The following MYO16 variants were observed in gnomAD, a reference collection of about 807,000 sequenced individuals.
MYO16 encodes the protein myosin XVI.
A neutral mutation model predicts 205.3 loss-of-function variants in MYO16; 94 were observed. That is an observed-to-expected ratio of 0.46 (90% CI 0.39 to 0.54). The LOEUF (loss-of-function observed/expected upper bound fraction) is 0.54. Ranked by LOEUF, MYO16 falls within the 20% of genes least tolerant of loss-of-function variation. MYO16 has a pLI of 0.00. For missense variants in MYO16, 2,315 were observed against 2,387.5 expected (o/e 0.97, Z 0.63); for synonymous variants, 988 against 954.0 (o/e 1.04, Z -0.66).
At chr13:108,847,155 G>T (rs1269144931) in intron 10 of MYO16, among the ~76,000 whole-genome samples, 2 of 152,154 alleles carry the variant, frequency 1.3e-5, no homozygotes, top group Non-Finnish European at 2.9e-5. Context: ...AAGACATAAA[G>T]TGTTCTTCAA....
chr13:108,838,734 T>C (rs1479791402), intron 9 of MYO16, among the ~76,000 whole-genome samples: 1 of 125,722 alleles, frequency 8.0e-6, no homozygotes, highest in African/African-American at 3.1e-5. Flanking sequence ...GCACACTATA[T>C]ATATACACTA....
chr13:109,140,573 AC>A lies in MYO16; in HGVS notation c.4362del (p.Tyr1454Ter). The A allele has an allele frequency of 6.5e-7, 1 of 1,535,320 alleles. No homozygotes were observed. The highest frequency in any genetic ancestry group is 1.2e-5 in the South Asian group (1 of 83,994). The part of the protein sequence containing the change: ...PDSPDPGESV[Y>X]EEMKCCLPDD... The stretch of plus-strand genomic sequence containing the variant: ...AGCCCGGACCCCGGGGAGTCCGTGT[AC>A]GAGGAGATGAAGTGTTGCCTGCCCG... On this transcript the variant is annotated frameshift_variant, in exon 32 of 35. Coordinates refer to ENST00000457511, the MANE Select transcript of MYO16 (RefSeq NM_001198950.3). LOFTEE classifies it high-confidence loss of function. This position sits in a 1 kb window ranked among gnomAD's most constrained non-coding sequence, Gnocchi z 8.0.
At chr13:108,676,309 A>G (rs1566544048) in intron 2 of MYO16, among the ~76,000 whole-genome samples, 1 of 151,726 alleles carries the variant, frequency 6.6e-6, no homozygotes, top group East Asian at 1.9e-4. Context: ...AATTTACATT[A>G]TTAAGGAGCG....
At chr13:108,595,192 T>G (rs1170255782), upstream of MYO16, among the ~76,000 whole-genome samples, 5 of 152,200 alleles carry the variant, frequency 3.3e-5, no homozygotes, top group Non-Finnish European at 7.3e-5. Flanking sequence ...TAGATACATA[T>G]GGATTTCTTT....
At chr13:108,638,593 AAT>A (rs1880362463) in intron 1 of MYO16, among the ~76,000 whole-genome samples, 1 of 152,044 alleles carries the variant, frequency 6.6e-6, no homozygotes, top group Non-Finnish European at 1.5e-5. Flanking sequence ...CTTTTCTGAA[AAT>A]AATTGTCCTT....
intron 28 of MYO16, among the ~76,000 whole-genome samples, chr13:109,107,419 T>C (rs183107708): frequency 1.3e-5 from 2 of 152,322 alleles, no homozygotes; most frequent in East Asian, 1.9e-4. Flanking sequence ...CATTTTACCA[T>C]AACATTACAT....
In MYO16 at chr13:109,127,719, C is replaced by T; in HGVS notation, c.4051+169C>T. ...TCATTAAATATAAATAATATTTATTCAAATCTCTAAGCCTCTTAGGGAAAA... is the reference window on the plus strand; with the variant it reads ...TCATTAAATATAAATAATATTTATTTAAATCTCTAAGCCTCTTAGGGAAAA... On this transcript the variant is annotated intron_variant, in intron 31 of 34. Coordinates refer to ENST00000457511, the MANE Select transcript of MYO16 (RefSeq NM_001198950.3). This position sits in a 1 kb window ranked among gnomAD's most constrained non-coding sequence, Gnocchi z 4.2. 1 of 691,102 alleles carries T rather than the reference C, an allele frequency of 1.4e-6. No individual in the cohort carries two copies. Among genetic ancestry groups the T allele is most frequent in the Non-Finnish European group, 2.3e-6 (1 of 435,174 alleles). The allele number at this position is 691,102 out of a possible 1,614,324, so 42.8% of individuals were successfully genotyped here. A position where few individuals can be genotyped will look rare whatever the true frequency, so the allele number is the denominator to read the frequency against.
chr13:108,771,901 A>C (rs559005083), intron 4 of MYO16, among the ~76,000 whole-genome samples: 50 of 152,322 alleles, frequency 3.3e-4, no homozygotes, highest in African/African-American at 1.2e-3. Context: ...TAGCTACTAA[A>C]GGATATCTTG....
intron 21 of MYO16, among the ~76,000 whole-genome samples, chr13:109,007,214 C>A (rs559575061): frequency 1.3e-5 from 2 of 152,124 alleles, no homozygotes; most frequent in East Asian, 3.9e-4. Flanking sequence ...TGGTGAAACC[C>A]CATCTCTACT....
At chr13:108,688,547 G>A (rs975860951) in intron 2 of MYO16, among the ~76,000 whole-genome samples, 1 of 152,104 alleles carries the variant, frequency 6.6e-6, no homozygotes, top group Admixed American at 6.6e-5. Flanking sequence ...GGAACTGCAG[G>A]TTGAGCTAGA....
intron 27 of MYO16, among the ~76,000 whole-genome samples, chr13:109,099,154 T>A (rs1314526137): frequency 6.6e-6 from 1 of 152,196 alleles, no homozygotes; most frequent in Admixed American, 6.5e-5. Flanking sequence ...CACTGCACTG[T>A]ATGTTCATTA....
chr13:109,124,499 A>C (rs2139769015), intron 29 of MYO16, among the ~76,000 whole-genome samples: 1 of 152,084 alleles, frequency 6.6e-6, no homozygotes, highest in East Asian at 1.9e-4. Context: ...TTTTATTTTT[A>C]ATTCTTGTAT....
intron 4 of MYO16, among the ~76,000 whole-genome samples, chr13:108,749,417 A>G (rs1885160418): frequency 6.6e-6 from 1 of 152,200 alleles, no homozygotes; most frequent in Non-Finnish European, 1.5e-5. Flanking sequence ...GTAAACCTCA[A>G]CAATAAGAAA....
intron 6 of MYO16, among the ~76,000 whole-genome samples, chr13:108,793,899 G>A (rs376067582): frequency 9.9e-5 from 15 of 152,176 alleles, no homozygotes; most frequent in Middle Eastern, 6.8e-3. Context: ...TCCCAGTGCC[G>A]TTTATAATAG....
rs560320379 is a variant in MYO16, at chr13:109,177,364, G to A, written c.5324-2178G>A. ...TGTATTTCTCAGCGCCTTATGCAGC[G>A]GTTGCTCATAAATGTTTTTAACCTT... On this transcript the variant is annotated intron_variant, in intron 33 of 34. Transcript: ENST00000457511. Among the ~76,000 whole-genome samples, 7 of 152,204 alleles carry A rather than the reference G, an allele frequency of 4.6e-5. No homozygotes were observed. In the South Asian group the frequency reaches 1.0e-3, roughly 23 times the overall value.
chr13:108,620,145 C>T (rs984214082), intron 1 of MYO16, among the ~76,000 whole-genome samples: 2 of 152,056 alleles, frequency 1.3e-5, no homozygotes, highest in African/African-American at 2.4e-5. Context: ...TTAAATGAAT[C>T]GATGCCTATG....
At chr13:109,029,882 T>C (rs1383472795) in intron 23 of MYO16, among the ~76,000 whole-genome samples, 3 of 152,202 alleles carry the variant, frequency 2.0e-5, no homozygotes, top group African/African-American at 7.2e-5. Flanking sequence ...TAGAGAATCT[T>C]CTGCTTCTTC....
intron 2 of MYO16, among the ~76,000 whole-genome samples, chr13:108,708,851 T>G (rs1594229083): frequency 6.6e-6 from 1 of 152,278 alleles, no homozygotes; most frequent in Non-Finnish European, 1.5e-5. Context: ...TTGTGATTGG[T>G]TATTGTTGGT....
At chr13:108,717,077 A>G (rs1883972283) in intron 3 of MYO16, among the ~76,000 whole-genome samples, 1 of 56,190 alleles carries the variant, frequency 1.8e-5, no homozygotes, top group Non-Finnish European at 3.8e-5. Context: ...ACTCTTTACA[A>G]AAAAAAAAAT....
Sources: gnomAD v4.1 joint callset for allele counts (sites outside exome capture counted in the v4.1 genomes callset) on GRCh38, gnomAD v4.1.1 for gene constraint, Gnocchi (gnomAD v3.1) non-coding constraint, MANE v1.5 for transcripts, NCBI Gene and HGNC (gene_info 2026-07-23, HGNC 2026-07-21) for gene names.